ITCH: variants seen among roughly 807,000 people sequenced by gnomAD.
ITCH encodes itchy E3 ubiquitin protein ligase.
A neutral mutation model predicts 126.8 loss-of-function variants in ITCH; 28 were observed. The observed-to-expected ratio is 0.22, with a 90% CI of 0.16 to 0.30. The LOEUF is 0.30. Among genes scored for constraint, ITCH ranks in the 10% least tolerant of loss-of-function variants. The probability of loss-of-function intolerance (pLI) is 1.00; values close to 1 mark genes in which losing one functional copy is unlikely to be tolerated. For missense variants in ITCH, 631 were observed against 1,032.4 expected, an observed-to-expected ratio of 0.61 and a Z score of 5.33; for synonymous variants, 342 against 340.0, an observed-to-expected ratio of 1.01 and a Z score of -0.06.
Position 34,489,913 on chromosome 20 carries a change from T to C in ITCH, c.2306T>C (p.Met769Thr), listed in dbSNP as rs1989393502. 1 of 1,613,408 alleles carries C rather than the reference T, an allele frequency of 6.2e-7. No homozygotes were observed. The highest frequency in any genetic ancestry group is 8.5e-7 in the Non-Finnish European group (1 of 1,179,458). ...RHYARTSKQIMWFWQFVKEID... is the reference protein window; with the variant it reads ...RHYARTSKQITWFWQFVKEID... ...TATGCAAGGACCAGCAAACAAATCA[T>C]GTGGTTTTGGCAGGTTTGTTTTTAA... Residue 769 changes from methionine to threonine, a missense_variant, in exon 22 of 25, where the codon ATG becomes ACG. Around this residue, in one of 4 missense-constraint regions of ITCH, gnomAD observed 390 missense variants for 731.6 expected, o/e 0.53. Transcript: ENST00000374864.
chr20:34,424,074 C>T (rs554176886), intron 6 of ITCH, among the ~76,000 whole-genome samples: 115 of 152,182 alleles, frequency 7.6e-4, no homozygotes, highest in South Asian at 2.1e-3. Flanking sequence ...ATAAGAGAGA[C>T]GTTATGGGTT....
At chr20:34,451,303 A>G (rs188467904) in intron 12 of ITCH, among the ~76,000 whole-genome samples, 2 of 152,030 alleles carry the variant, frequency 1.3e-5, no homozygotes, top group Non-Finnish European at 1.5e-5. Flanking sequence ...AAAAAAAAAA[A>G]AAAGAAATTA....
intron 1 of ITCH, among the ~76,000 whole-genome samples, chr20:34,367,219 G>C (rs988609159): frequency 3.3e-5 from 5 of 152,040 alleles, no homozygotes; most frequent in African/African-American, 9.7e-5. Context: ...GCTCGGCCAT[G>C]CAGGCTGGAG....
rs541577551 is a variant in ITCH at position 34,479,716 on chromosome 20, A to C, written c.1745A>C (p.Gln582Pro). 6.2e-7 allele frequency: 1 copy of C among 1,614,062 alleles called. No homozygotes were observed. The highest frequency in any genetic ancestry group is 8.5e-7 in the Non-Finnish European group (1 of 1,179,918). Residue 582 changes from glutamine (Q) to proline (P), a missense_variant, in exon 18 of 25, where the codon CAG (glutamine) becomes CCG (proline). Physicochemically the swap from Gln to Pro is moderately conservative, Grantham distance 76 (BLOSUM62 -1). Around this residue, in one of 4 missense-constraint regions of ITCH, gnomAD observed 390 missense variants for 731.6 expected, o/e 0.53. Coordinates refer to ENST00000374864, the MANE Select transcript of ITCH (RefSeq NM_031483.7). ...EYAGKDNYCL[Q>P]INPASYINPD... ...GCAGGGAAGGATAACTACTGCTTGC[A>C]GATAAACCCCGCTTCTTACATCAAT...
At chr20:34,486,008 A>C (rs1420459771) in intron 20 of ITCH, among the ~76,000 whole-genome samples, 1 of 152,038 alleles carries the variant, frequency 6.6e-6, no homozygotes, top group Non-Finnish European at 1.5e-5. Flanking sequence ...GCTATATCCC[A>C]CAATTTTTTG....
chr20:34,471,673 G>GGTGTGTGTGTGT (rs10606931), intron 16 of ITCH, among the ~76,000 whole-genome samples, 158 bp downstream of exon 16: 12 of 69,374 alleles, frequency 1.7e-4, no homozygotes, highest in South Asian at 1.4e-3. Flanking sequence ...GGGCTTAAGG[G>GGTGTGTGTGTGT]GTGTGTGTGT....
chr20:34,461,458 T>C (rs1221609649), intron 13 of ITCH, among the ~76,000 whole-genome samples: 1 of 151,512 alleles, frequency 6.6e-6, no homozygotes, highest in Non-Finnish European at 1.5e-5. Flanking sequence ...CGCCTGTAAT[T>C]CCAGCACCTT....
intron 6 of ITCH, among the ~76,000 whole-genome samples, chr20:34,414,471 T>TGTA: frequency 6.7e-6 from 1 of 148,738 alleles, no homozygotes; most frequent in East Asian, 1.9e-4. Context: ...TTTTTTTTTT[T>TGTA]TTTTTTTTTT....
At chr20:34,397,087 A>C (rs933567644) in intron 3 of ITCH, among the ~76,000 whole-genome samples, 2 of 151,552 alleles carry the variant, frequency 1.3e-5, no homozygotes, top group Admixed American at 1.3e-4. Context: ...GCAGTGGTGC[A>C]ATCTTGGCTC....
rs1181881258 is a variant in ITCH at position 34,510,824 on chromosome 20, A to G, written c.*3030A>G. The stretch of plus-strand genomic sequence containing the variant: ...ATAGCAAGACCCTGTCTCTTAAAAA[A>G]ACAAAAAGACATATTCAGGTACTGA... On this transcript the variant is annotated 3_prime_UTR_variant, in exon 25 of 25. Transcript: ENST00000374864. The G allele has an allele frequency of 6.6e-6, 1 of 152,222 alleles. No homozygotes were observed. The highest frequency in any genetic ancestry group is 1.9e-4 in the East Asian group (1 of 5,198). 9.4% of individuals were successfully genotyped at this position (152,222 alleles called of 1,614,324 possible).
chr20:34,446,632 A>AT (rs922104597), intron 11 of ITCH, among the ~76,000 whole-genome samples: 15 of 150,018 alleles, frequency 1.0e-4, no homozygotes, highest in Admixed American at 2.0e-4. Context: ...CCTTCTTTTC[A>AT]TTTTTTTTTC....
intron 2 of ITCH, among the ~76,000 whole-genome samples, chr20:34,382,800 C>T (rs4911417): frequency 2.7e-5 from 4 of 150,384 alleles, no homozygotes; most frequent in Non-Finnish European, 1.5e-5. Context: ...CTGGAGTGCA[C>T]TGGCATGATC....
At chr20:34,385,858 A>C (rs1299750523) in intron 2 of ITCH, among the ~76,000 whole-genome samples, 1 of 152,218 alleles carries the variant, frequency 6.6e-6, no homozygotes, top group African/African-American at 2.4e-5. Flanking sequence ...TGTCACTGTT[A>C]CATGGTAGAG....
intron 3 of ITCH, among the ~76,000 whole-genome samples, chr20:34,400,229 G>A (rs540321846): frequency 3.5e-4 from 54 of 152,118 alleles, no homozygotes; most frequent in African/African-American, 1.1e-3. Context: ...GAGCCACTGC[G>A]CCCGGCCAAA....
At chr20:34,496,828 A>C (rs1453537820) in intron 23 of ITCH, among the ~76,000 whole-genome samples, 3 of 151,052 alleles carry the variant, frequency 2.0e-5, no homozygotes, top group African/African-American at 7.3e-5. Context: ...AAAAGAAAAG[A>C]GAAAAGAAAA....
chr20:34,428,078 A>T (rs780735809), intron 7 of ITCH, among the ~76,000 whole-genome samples: 52 of 152,136 alleles, frequency 3.4e-4, no homozygotes, highest in Non-Finnish European at 6.0e-4. Flanking sequence ...CAAATCTTTG[A>T]GTATGTCTTT....
intron 2 of ITCH, among the ~76,000 whole-genome samples, chr20:34,373,792 G>C (rs530362683): frequency 6.6e-6 from 1 of 152,084 alleles, no homozygotes; most frequent in African/African-American, 2.4e-5. Flanking sequence ...ACTCACTCCA[G>C]AAATATCTAC....
intron 3 of ITCH, among the ~76,000 whole-genome samples, chr20:34,401,979 C>T (rs566746673): frequency 7.9e-5 from 12 of 152,162 alleles, no homozygotes; most frequent in Admixed American, 4.6e-4. Context: ...TACGGGGGGG[C>T]GGCGCATAGC....
chr20:34,480,185 C>T (rs1245216916), intron 18 of ITCH, among the ~76,000 whole-genome samples: 2 of 151,998 alleles, frequency 1.3e-5, no homozygotes, highest in African/African-American at 2.4e-5. Flanking sequence ...AGGTATAAGT[C>T]ACCGTGCCCA....
Sources: allele counts gnomAD v4.1 joint callset (sites outside exome capture counted in the v4.1 genomes callset), GRCh38; gene constraint gnomAD v4.1.1; regional missense constraint gnomAD v4.1.1; transcripts MANE v1.5; gene names NCBI Gene and HGNC (gene_info 2026-07-23, HGNC 2026-07-21).